Variants in DOCK9 observed in about 807,000 individuals in gnomAD.
DOCK9 encodes dedicator of cytokinesis 9.
Under a neutral mutation model 263.3 loss-of-function variants are expected in DOCK9, and 89 were observed. The observed-to-expected ratio is 0.34, with a 90% CI of 0.28 to 0.40. DOCK9 has a LOEUF of 0.40. Ranked by LOEUF, DOCK9 falls within the 10% of genes least tolerant of loss-of-function variation. DOCK9 has a pLI of 1.00. For missense variants in DOCK9, 2,140 were observed against 2,603.4 expected, an observed-to-expected ratio of 0.82 and a Z score of 3.87; for synonymous variants, 976 against 973.1, an observed-to-expected ratio of 1.00 and a Z score of -0.06.
chr13:99,022,041 T>A (rs1353948681), intron 1 of DOCK9, among the ~76,000 whole-genome samples: 1 of 152,148 alleles, frequency 6.6e-6, no homozygotes, highest in Non-Finnish European at 1.5e-5. Flanking sequence ...TAAATAAAAG[T>A]GTGAACTCTT....
intron 1 of DOCK9, among the ~76,000 whole-genome samples, chr13:99,007,874 G>T (rs964397813): frequency 8.5e-5 from 13 of 152,104 alleles, no homozygotes; most frequent in African/African-American, 2.9e-4. Context: ...TTCTTATCTT[G>T]AATTTTTAAA....
At chr13:98,935,571 C>T (rs2054678774) in intron 2 of DOCK9, among the ~76,000 whole-genome samples, 1 of 152,270 alleles carries the variant, frequency 6.6e-6, no homozygotes, top group Non-Finnish European at 1.5e-5. Context: ...GAGTTCAAGA[C>T]CAGCCTAGCC....
chr13:98,953,392 C>T (rs2057672196), intron 2 of DOCK9, among the ~76,000 whole-genome samples: 1 of 152,200 alleles, frequency 6.6e-6, no homozygotes, highest in South Asian at 2.1e-4. Flanking sequence ...CAGAAGTTTT[C>T]TCAAAGTTTA....
At position 99,021,455 on chromosome 13, in the gene DOCK9, C is replaced by T. The variant is rs932574766; in HGVS notation, c.129+64768G>A. On this transcript the variant is annotated intron_variant, in intron 1 of 32. Transcript: ENST00000427887. ...GTGATTGAGACCATCCTGGCTAACA[C>T]GGTGAAACCCTGTCTGTACTAAAAA... 1.1e-4 allele frequency among the ~76,000 whole-genome samples: 17 copies of T among 152,078 alleles called. No homozygotes were observed. In the East Asian group the frequency reaches 2.7e-3, roughly 24 times the overall value.
At chr13:98,871,495 T>C (rs995213284) in intron 27 of DOCK9, among the ~76,000 whole-genome samples, 7 of 152,312 alleles carry the variant, frequency 4.6e-5, no homozygotes, top group African/African-American at 1.7e-4. Context: ...GAGTCCTAAT[T>C]GTCAATAAAA....
intron 6 of DOCK9, among the ~76,000 whole-genome samples, chr13:98,921,774 T>C (rs534569913): frequency 6.6e-6 from 1 of 152,270 alleles, no homozygotes; most frequent in East Asian, 1.9e-4. Context: ...AAGAGCACTT[T>C]TCAGTTATTA....
intron 33 of DOCK9, chr13:98,856,686 T>C (rs2093714723): frequency 1.3e-5 from 2 of 152,186 alleles, no homozygotes; most frequent in South Asian, 4.1e-4. Flanking sequence ...CACCACCCAT[T>C]TGTAGTGAGT....
intron 1 of DOCK9, among the ~76,000 whole-genome samples, chr13:98,987,575 T>G (rs1878761786): frequency 6.6e-6 from 1 of 152,254 alleles, no homozygotes; most frequent in Non-Finnish European, 1.5e-5. Context: ...GCTCTTCCAT[T>G]TAGGCTTTGC....
intron 39 of DOCK9, among the ~76,000 whole-genome samples, chr13:98,835,520 C>T (rs2092958174): frequency 6.6e-6 from 1 of 152,146 alleles, no homozygotes; most frequent in African/African-American, 2.4e-5. Context: ...TATAAACCTG[C>T]ACAGAGATCA....
chr13:98,850,640 T>C (rs1344589853), intron 35 of DOCK9, among the ~76,000 whole-genome samples: 2 of 152,210 alleles, frequency 1.3e-5, no homozygotes, highest in African/African-American at 2.4e-5. Context: ...TTAACTAGTC[T>C]CCTACTGATA....
chr13:98,830,847 A>G (rs1349615978), intron 41 of DOCK9, among the ~76,000 whole-genome samples: 2 of 152,250 alleles, frequency 1.3e-5, no homozygotes, highest in Non-Finnish European at 2.9e-5. Context: ...AAAGGGTTAA[A>G]TACAGAGATG....
chr13:99,063,076 A>G (rs760936226), intron 1 of DOCK9, among the ~76,000 whole-genome samples: 34 of 152,378 alleles, frequency 2.2e-4, no homozygotes, highest in Admixed American at 3.9e-4. Context: ...CAAGAGGTCC[A>G]GGAAAGCCAG....
chr13:98,855,878 G>A lies in DOCK9; in HGVS notation c.3831+20C>T, dbSNP rs1361270384. On this transcript the variant is annotated intron_variant, in intron 34 of 52. Coordinates refer to ENST00000682017, the MANE Select transcript of DOCK9 (RefSeq NM_001366683.2). The stretch of plus-strand genomic sequence containing the variant: ...TCCATTGATTATAAGAAACATTTGT[G>A]TTGGGTGAAAAGCAATTACCTTATC... 6.2e-7 allele frequency: 1 copy of A among 1,612,990 alleles called. No homozygotes were observed. The highest frequency in any genetic ancestry group is 1.3e-5 in the African/African-American group (1 of 74,920).
At chr13:98,993,322 G>A (rs74111841) in intron 1 of DOCK9, among the ~76,000 whole-genome samples, 4,198 of 152,274 alleles carry the variant, frequency 0.028, 179 homozygotes, top group African/African-American at 0.096. Flanking sequence ...CTACCCATAT[G>A]TTGTTATCTC....
At chr13:99,086,923 A>T (rs1358796467), upstream of DOCK9, among the ~76,000 whole-genome samples, 1 of 151,806 alleles carries the variant, frequency 6.6e-6, no homozygotes, top group African/African-American at 2.4e-5. Flanking sequence ...GCACGCCACC[A>T]AGAGGGCGCA....
At chr13:98,887,141 A>ATTTTTTTTTT (rs1335567169) in intron 18 of DOCK9, among the ~76,000 whole-genome samples, 1 of 59,640 alleles carries the variant, frequency 1.7e-5, no homozygotes, top group Non-Finnish European at 3.0e-5. Flanking sequence ...ATATATATAT[A>ATTTTTTTTTT]TATTTTTTTT....
chr13:98,972,860 C>G (rs1265037139), intron 1 of DOCK9, among the ~76,000 whole-genome samples: 1 of 152,206 alleles, frequency 6.6e-6, no homozygotes, highest in East Asian at 1.9e-4. Flanking sequence ...CTTCCTCATG[C>G]CTTGCTGCCT....
intron 1 of DOCK9, among the ~76,000 whole-genome samples, chr13:99,022,473 C>T (rs1886232128): frequency 6.6e-6 from 1 of 152,128 alleles, no homozygotes; most frequent in Admixed American, 6.6e-5. Context: ...GTGGGCAGCT[C>T]TAACAACTGG....
chr13:98,845,728 G>A (rs755277747), intron 38 of DOCK9, among the ~76,000 whole-genome samples, 196 bp downstream of exon 38: 4 of 152,198 alleles, frequency 2.6e-5, no homozygotes, highest in Non-Finnish European at 4.4e-5. Flanking sequence ...AGTTGAGCAC[G>A]TTCCACATTG....
Sources: allele counts gnomAD v4.1 joint callset (sites outside exome capture counted in the v4.1 genomes callset), GRCh38; gene constraint gnomAD v4.1.1; transcripts MANE v1.5; gene names NCBI Gene and HGNC (gene_info 2026-07-23, HGNC 2026-07-21).